The following PTPRK variants were observed in gnomAD, a reference collection of about 807,000 sequenced individuals.
PTPRK encodes receptor-type tyrosine-protein phosphatase kappa.
In PTPRK, 75 loss-of-function variants were observed where a neutral mutation model predicts 178.0. The observed-to-expected ratio is 0.42, with a 90% CI of 0.35 to 0.51. The LOEUF (loss-of-function observed/expected upper bound fraction) is 0.51. PTPRK is among the 20% of genes least tolerant of loss of function. The pLI is 0.02. For missense variants in PTPRK, 1,441 were observed against 1,797.8 expected, an observed-to-expected ratio of 0.80 and a Z score of 3.59; for synonymous variants, 637 against 620.6, an observed-to-expected ratio of 1.03 and a Z score of -0.39.
intron 1 of PTPRK, among the ~76,000 whole-genome samples, chr6:128,398,665 G>A (rs778374230): frequency 1.3e-5 from 2 of 152,172 alleles, no homozygotes; most frequent in Admixed American, 6.5e-5. Flanking sequence ...AGGGTCTAAA[G>A]TGTTTGAGGT....
Position 128,209,950 on chromosome 6 carries a change from T to C in PTPRK, c.868+8972A>G, listed in dbSNP as rs150268319. Reference sequence around the variant, plus strand: ...GAGCTGTGATGAGGCAGCTGGAATTTATACCGCAAGAACAGGAAGCTGCCA... The same window carrying C: ...GAGCTGTGATGAGGCAGCTGGAATTCATACCGCAAGAACAGGAAGCTGCCA... On this transcript the variant is annotated intron_variant, in intron 6 of 29. Transcript: ENST00000368226. 3.6e-3 allele frequency among the ~76,000 whole-genome samples: 546 copies of C among 152,204 alleles called. 5 individuals are homozygous for C. The highest frequency in any genetic ancestry group is 0.012 in the African/African-American group (501 of 41,530).
chr6:128,166,325 T>C (rs1799393449), intron 7 of PTPRK, among the ~76,000 whole-genome samples: 1 of 151,716 alleles, frequency 6.6e-6, no homozygotes, highest in South Asian at 2.1e-4. Context: ...TTAAAAATGT[T>C]TATTCTGTGA....
intron 1 of PTPRK, among the ~76,000 whole-genome samples, chr6:128,489,166 T>C (rs549566116): frequency 1.3e-5 from 2 of 152,306 alleles, no homozygotes; most frequent in East Asian, 3.9e-4. Context: ...CAGCAACGAA[T>C]ATTAGTGCCA....
intron 2 of PTPRK, among the ~76,000 whole-genome samples, chr6:128,332,876 T>C (rs114117090): frequency 1.3e-5 from 2 of 152,168 alleles, no homozygotes; most frequent in Non-Finnish European, 2.9e-5. Flanking sequence ...ACACACACAC[T>C]TACTTCACCA....
rs1827276178 is a variant in PTPRK, at chr6:128,311,760, A to G, written c.495+10279T>C. On this transcript the variant is annotated intron_variant, in intron 3 of 29. Transcript: ENST00000368226. Reference sequence around the variant, plus strand: ...AGCGATCCTCCTGCCTCAGCCTCTCAAGTACCAGATCAACTTTTACTGGAC... The same window carrying G: ...AGCGATCCTCCTGCCTCAGCCTCTCGAGTACCAGATCAACTTTTACTGGAC... 2.0e-5 allele frequency among the ~76,000 whole-genome samples: 3 copies of G among 151,968 alleles called. No homozygotes were observed. The South Asian group carries it at 6.2e-4, about 32-fold the overall frequency.
chr6:128,455,242 T>G (rs1008511667), intron 1 of PTPRK, among the ~76,000 whole-genome samples: 1 of 152,168 alleles, frequency 6.6e-6, no homozygotes, highest in Non-Finnish European at 1.5e-5. Context: ...TGCTATTAAG[T>G]TGCACAGAAA....
chr6:128,113,259 A>C (rs1057125997), intron 7 of PTPRK, among the ~76,000 whole-genome samples: 9 of 152,020 alleles, frequency 5.9e-5, no homozygotes, highest in African/African-American at 2.2e-4. Flanking sequence ...GAATATACAT[A>C]TGTACACAGA....
intron 4 of PTPRK, chr6:128,241,186 T>C (rs758064784): frequency 5.7e-6 from 3 of 530,126 alleles, no homozygotes; most frequent in South Asian, 1.4e-5. Flanking sequence ...ATATATAATC[T>C]GACCCTTACT....
At chr6:128,036,553 C>T (rs1776251120) in intron 13 of PTPRK, among the ~76,000 whole-genome samples, 1 of 152,164 alleles carries the variant, frequency 6.6e-6, no homozygotes, top group Non-Finnish European at 1.5e-5. Context: ...ATATCTTACT[C>T]ATATTTCCAT....
intron 3 of PTPRK, among the ~76,000 whole-genome samples, chr6:128,305,813 T>G (rs1188220202): frequency 6.6e-6 from 1 of 152,252 alleles, no homozygotes; most frequent in East Asian, 1.9e-4. Flanking sequence ...AAGACCAGTA[T>G]CCTTCTACTA....
At chr6:128,108,511 G>T (rs1466682605) in intron 7 of PTPRK, among the ~76,000 whole-genome samples, 1 of 152,106 alleles carries the variant, frequency 6.6e-6, no homozygotes, top group Admixed American at 6.5e-5. Context: ...ATAGGGGATT[G>T]AATAATGTAT....
chr6:128,496,313 G>A (rs2128433822), intron 1 of PTPRK, among the ~76,000 whole-genome samples: 1 of 152,308 alleles, frequency 6.6e-6, no homozygotes, highest in African/African-American at 2.4e-5. Context: ...GTAGAGCAGG[G>A]ATGGGGGCTA....
chr6:128,376,161 G>A (rs993632821), intron 2 of PTPRK, among the ~76,000 whole-genome samples: 1 of 152,080 alleles, frequency 6.6e-6, no homozygotes, highest in Non-Finnish European at 1.5e-5. Flanking sequence ...CTCATTGTGG[G>A]GGCATCAACC....
intron 13 of PTPRK, among the ~76,000 whole-genome samples, 153 bp from the exon 14 acceptor site, chr6:128,009,421 C>T (rs1177308260): frequency 2.7e-5 from 4 of 150,584 alleles, no homozygotes; most frequent in Admixed American, 6.7e-5. Context: ...TGCTAAAATA[C>T]AATACGAGAT....
chr6:128,186,905 T>C (rs1802857004), intron 6 of PTPRK, among the ~76,000 whole-genome samples: 2 of 152,164 alleles, frequency 1.3e-5, no homozygotes, highest in South Asian at 4.1e-4. Flanking sequence ...GTCTGTATTT[T>C]GTGAATAAAC....
At chr6:128,356,821 T>G (rs1834026352) in intron 2 of PTPRK, among the ~76,000 whole-genome samples, 2 of 152,148 alleles carry the variant, frequency 1.3e-5, no homozygotes, top group African/African-American at 2.4e-5. Flanking sequence ...TTATTCATTC[T>G]ATGTCACTCA....
intron 6 of PTPRK, among the ~76,000 whole-genome samples, chr6:128,207,397 A>G (rs1251243733): frequency 6.6e-6 from 1 of 152,168 alleles, no homozygotes; most frequent in Non-Finnish European, 1.5e-5. Flanking sequence ...ACTATCCATG[A>G]TTGCTGATGG....
At chr6:128,114,497 G>A (rs1452660046) in intron 7 of PTPRK, among the ~76,000 whole-genome samples, 5 of 151,622 alleles carry the variant, frequency 3.3e-5, no homozygotes, top group Non-Finnish European at 7.4e-5. Context: ...GCATGCACTT[G>A]TAATCCCAGC....
chr6:128,043,333 C>G (rs1329231563), intron 13 of PTPRK, among the ~76,000 whole-genome samples: 1 of 151,882 alleles, frequency 6.6e-6, no homozygotes, highest in African/African-American at 2.4e-5. Flanking sequence ...ATTTCTGTTC[C>G]CACACTTTCA....
Sources: gnomAD v4.1 joint callset for allele counts (sites outside exome capture counted in the v4.1 genomes callset) on GRCh38, gnomAD v4.1.1 for gene constraint, MANE v1.5 for transcripts, NCBI Gene and HGNC (gene_info 2026-07-23, HGNC 2026-07-21) for gene names.